FAM227A: variants seen among roughly 807,000 people sequenced by gnomAD.
FAM227A encodes the protein protein FAM227A.
In FAM227A, 80 loss-of-function variants were observed where a neutral mutation model predicts 74.7. The ratio of observed to expected loss-of-function variants is 1.07; its 90% CI spans 0.89 to 1.29. FAM227A has a LOEUF of 1.29. Among genes scored for constraint, FAM227A ranks in the 50% most tolerant of loss-of-function variants. The pLI is 0.00. For synonymous variants in FAM227A, 237 were observed against 241.8 expected (o/e 0.98, Z 0.19); for missense variants, 654 against 683.4 (o/e 0.96, Z 0.48).
chr22:38,582,494 G>A lies in FAM227A; in HGVS notation c.*3631C>T. 7.3e-7 allele frequency: 1 copy of A among 1,366,170 alleles called. No individual in the cohort carries two copies. The highest frequency in any genetic ancestry group is 1.0e-6 in the Non-Finnish European group (1 of 991,304). 84.6% of individuals were successfully genotyped at this position (1,366,170 alleles called of 1,614,324 possible). On this transcript the variant is annotated 3_prime_UTR_variant, in exon 17 of 17. Transcript: ENST00000535113. ...TTTTTAAATGTTAGTTCCCTTTGATGCTCTACCCCGCTTCCCTTATAAAGG... is the reference window on the plus strand; with the variant it reads ...TTTTTAAATGTTAGTTCCCTTTGATACTCTACCCCGCTTCCCTTATAAAGG...
intron 11 of FAM227A, among the ~76,000 whole-genome samples, chr22:38,619,228 C>G (rs2091636940): frequency 6.6e-6 from 1 of 152,290 alleles, no homozygotes; most frequent in Non-Finnish European, 1.5e-5. Flanking sequence ...GCCAGATGAG[C>G]AAGGCTGTGC....
chr22:38,609,452 T>C (rs2091363441), intron 11 of FAM227A, among the ~76,000 whole-genome samples: 1 of 152,186 alleles, frequency 6.6e-6, no homozygotes, highest in Non-Finnish European at 1.5e-5. Flanking sequence ...CGAAGAACGC[T>C]GGATTCGTCT....
At chr22:38,626,891 A>AAAAAAAAAAAAT (rs1555966996) in intron 8 of FAM227A, among the ~76,000 whole-genome samples, 1 of 57,690 alleles carries the variant, frequency 1.7e-5, no homozygotes, top group African/African-American at 8.7e-5. Flanking sequence ...AAAAAAAAAA[A>AAAAAAAAAAAAT]ATATATATAT....
chr22:38,650,059 G>C lies in FAM227A; in HGVS notation c.110C>G (p.Thr37Ser). The C allele has an allele frequency of 1.3e-6, 2 of 1,552,190 alleles. No homozygotes were observed. The highest frequency in any genetic ancestry group is 1.7e-6 in the Non-Finnish European group (2 of 1,147,128). Residue 37 changes from threonine (T) to serine (S), a missense_variant, in exon 2 of 17, where the codon ACT (threonine) becomes AGT (serine). Physicochemically the swap from Thr to Ser is moderately conservative, Grantham distance 58 (BLOSUM62 1). Transcript: ENST00000535113. ...SLVARNTMVK[T>S]VRKELENNPP... Reference sequence around the variant, plus strand: ...ATTGTTCTCTAACTCCTTCCTCACAGTCTTCACCATTGTATTCCGTGCGAC... The same window carrying C: ...ATTGTTCTCTAACTCCTTCCTCACACTCTTCACCATTGTATTCCGTGCGAC...
In FAM227A at chr22:38,621,316, C is replaced by G. The variant is rs147010922; in HGVS notation, c.959-1025G>C. 5.5e-3 allele frequency among the ~76,000 whole-genome samples: 794 copies of G among 145,598 alleles called. 5 individuals carry two copies. Among genetic ancestry groups the G allele is most frequent in the African/African-American group, 0.02 (766 of 39,072 alleles). The stretch of plus-strand genomic sequence containing the variant: ...TGTGAGCCGAGATCACGCCACTGCA[C>G]TCCAGCCTGGGTGACACAGAAAGAC... On this transcript the variant is annotated intron_variant, in intron 10 of 16. Coordinates refer to ENST00000535113, the MANE Select transcript of FAM227A (RefSeq NM_001013647.2).
At chr22:38,599,997 A>T in intron 13 of FAM227A, 76 bp from the exon 14 acceptor site, 1 of 1,309,806 alleles carries the variant, frequency 7.6e-7, no homozygotes, top group South Asian at 1.6e-5. Context: ...GAAAGGCATC[A>T]AAGCACTCAT....
rs571799806 is a variant in FAM227A at position 38,581,729 on chromosome 22, G to T, written c.*4396C>A. The T allele has an allele frequency of 1.4e-5, 2 of 148,130 alleles. No homozygotes were observed. The highest frequency in any genetic ancestry group is 3.0e-5 in the Non-Finnish European group (2 of 67,772). 9.2% of individuals were successfully genotyped at this position (148,130 alleles called of 1,614,324 possible). A position where few individuals can be genotyped will look rare whatever the true frequency, so the allele number is the denominator to read the frequency against. ...GCTGAGATTACAGGCGTTAGCCACC[G>T]CACCTGGCTCAGGTTTTTTTTTTTT... On this transcript the variant is annotated 3_prime_UTR_variant, in exon 17 of 17. Coordinates refer to ENST00000535113, the MANE Select transcript of FAM227A (RefSeq NM_001013647.2).
At chr22:38,639,787 T>C (rs1238376574) in intron 3 of FAM227A, 63 bp from the exon 4 acceptor site, 2 of 1,179,730 alleles carry the variant, frequency 1.7e-6, no homozygotes, top group African/African-American at 3.0e-5. Context: ...AAGGGTGGGG[T>C]TAGGGTCTAG....
chr22:38,601,905 T>C (rs1456644193), intron 13 of FAM227A, among the ~76,000 whole-genome samples: 1 of 152,016 alleles, frequency 6.6e-6, no homozygotes, highest in Non-Finnish European at 1.5e-5. Flanking sequence ...CTATTTGAGA[T>C]GCTAATAGAC....
intron 7 of FAM227A, 33 bp from the exon 8 acceptor site, chr22:38,628,375 A>G (rs1460486854): frequency 6.5e-6 from 9 of 1,392,316 alleles, no homozygotes; most frequent in Admixed American, 2.0e-5. Context: ...AGGAATTACT[A>G]AAGTCCCTTG....
At chr22:38,636,708 T>C (rs2145652352) in intron 5 of FAM227A, 111 bp from the exon 6 acceptor site, 2 of 998,732 alleles carry the variant, frequency 2.0e-6, no homozygotes, top group Admixed American at 3.0e-5. Flanking sequence ...TTATAGAATG[T>C]TGAGAAAATG....
chr22:38,630,668 C>T (rs931401400), intron 6 of FAM227A, among the ~76,000 whole-genome samples: 9 of 152,200 alleles, frequency 5.9e-5, no homozygotes, highest in African/African-American at 2.2e-4. Context: ...AAAAGGATTT[C>T]ATGTCAGCTC....
At chr22:38,604,265 T>C (rs1216515915) in intron 13 of FAM227A, among the ~76,000 whole-genome samples, 1 of 152,110 alleles carries the variant, frequency 6.6e-6, no homozygotes, top group Non-Finnish European at 1.5e-5. Flanking sequence ...AGGTGGAGGT[T>C]ACAGTGAGCT....
chr22:38,636,478 C>T lies in FAM227A; in HGVS notation c.492G>A (p.Arg164=). ...DFCDMVGNVV[R]AERDCLSGKH... ...TGCCACTAAGGCAGTCTCTCTCAGC[C>T]CGGACCACGTTGCCCACCATGTCAC... is the stretch of plus-strand genomic sequence containing the variant. Residue 164 remains arginine, a synonymous_variant, in exon 6 of 17, where the codon CGG becomes CGA. Coordinates refer to ENST00000535113, the MANE Select transcript of FAM227A (RefSeq NM_001013647.2). The T allele has an allele frequency of 6.4e-7, 1 of 1,551,498 alleles. No individual in the cohort carries two copies. Among genetic ancestry groups the T allele is most frequent in the Non-Finnish European group, 8.7e-7 (1 of 1,146,872 alleles).
rs1335769431 is a variant in FAM227A at position 38,645,581 on chromosome 22, C to G, written c.207G>C (p.Glu69Asp). The change falls in exon 3 of 17, where the codon GAG becomes GAC. Residue 69 changes from glutamate to aspartate, a missense_variant. Physicochemically the swap from Glu to Asp is conservative, Grantham distance 45 (BLOSUM62 2). Transcript: ENST00000535113. Reference protein sequence around the residue: ...QKIADINLRTEPSANSLAIER... With the variant: ...QKIADINLRTDPSANSLAIER... Reference sequence around the variant, plus strand: ...AACTCACCAGGCTGTTGGCCGACGGCTCGGTACGCAGATTTATGTCAGCAA... The same window carrying G: ...AACTCACCAGGCTGTTGGCCGACGGGTCGGTACGCAGATTTATGTCAGCAA... 1 of 1,551,436 alleles carries G rather than the reference C, an allele frequency of 6.4e-7. No individual in the cohort carries two copies. Among genetic ancestry groups the G allele is most frequent in the South Asian group, 1.2e-5 (1 of 84,030 alleles).
At chr22:38,622,368 T>G (rs1210726301) in intron 10 of FAM227A, among the ~76,000 whole-genome samples, 2 of 152,198 alleles carry the variant, frequency 1.3e-5, no homozygotes, top group African/African-American at 4.8e-5. Flanking sequence ...AAGCCCCATT[T>G]CTGGGGCTCC....
intron 11 of FAM227A, among the ~76,000 whole-genome samples, chr22:38,608,244 C>G (rs2091333195): frequency 2.0e-5 from 3 of 151,430 alleles, no homozygotes; most frequent in Non-Finnish European, 4.4e-5. Flanking sequence ...GGGAGGATTG[C>G]TTGAGCCTGG....
chr22:38,644,641 A>G (rs1399717490), intron 3 of FAM227A, among the ~76,000 whole-genome samples: 1 of 152,102 alleles, frequency 6.6e-6, no homozygotes, highest in Non-Finnish European at 1.5e-5. Context: ...AGTGATGATG[A>G]TGTAACAATG....
chr22:38,611,046 C>G (rs1009649447), intron 11 of FAM227A, among the ~76,000 whole-genome samples: 1 of 151,928 alleles, frequency 6.6e-6, no homozygotes, highest in Non-Finnish European at 1.5e-5. Flanking sequence ...GGTGACAGGG[C>G]AAGACTCCGT....
Sources: gnomAD v4.1 joint callset for allele counts (sites outside exome capture counted in the v4.1 genomes callset) on GRCh38, gnomAD v4.1.1 for gene constraint, MANE v1.5 for transcripts, NCBI Gene and HGNC (gene_info 2026-07-23, HGNC 2026-07-21) for gene names.